IGDCC4: variants seen among roughly 807,000 people sequenced by gnomAD.
IGDCC4 encodes the protein immunoglobulin superfamily DCC subclass member 4.
A neutral mutation model predicts 116.6 loss-of-function variants in IGDCC4; 72 were observed. The observed-to-expected ratio is 0.62, with a 90% CI of 0.51 to 0.75. IGDCC4 has a LOEUF of 0.75. Ranked by LOEUF, IGDCC4 falls within the 30% of genes least tolerant of loss-of-function variation. The pLI, the probability that IGDCC4 is intolerant of heterozygous loss-of-function variation, is 0.00. For missense variants in IGDCC4, 1,501 were observed against 1,662.4 expected, an observed-to-expected ratio of 0.90 and a Z score of 1.69; for synonymous variants, 709 against 719.9, an observed-to-expected ratio of 0.98 and a Z score of 0.24.
intron 11 of IGDCC4, 33 bp downstream of exon 11, chr15:65,392,101 T>A: frequency 6.7e-7 from 1 of 1,502,606 alleles, no homozygotes; most frequent in East Asian, 2.3e-5. Context: ...TGAAGCTACA[T>A]CCCTCCCTCC....
At chr15:65,400,745 G>T in intron 5 of IGDCC4, 61 bp downstream of exon 5, 3 of 1,539,622 alleles carry the variant, frequency 1.9e-6, no homozygotes, top group South Asian at 2.5e-5. Context: ...TGACTTAGGG[G>T]CATGTGAGAT....
Position 65,394,555 on chromosome 15 carries a change from C to A in IGDCC4, c.1577-7G>T, listed in dbSNP as rs2062901828. ...TGGGGTGCTGCACTGGGGACTGAGACAGAAGAACATCAGCATGAGCTCTGC... is the reference window on the plus strand; with the variant it reads ...TGGGGTGCTGCACTGGGGACTGAGAAAGAAGAACATCAGCATGAGCTCTGC... On this transcript the variant is annotated splice_region_variant and splice_polypyrimidine_tract_variant and intron_variant, in intron 8 of 19. Coordinates refer to ENST00000352385, the MANE Select transcript of IGDCC4 (RefSeq NM_020962.3). The A allele has an allele frequency of 1.3e-6, 2 of 1,591,548 alleles. No individual in the cohort carries two copies. The highest frequency in any genetic ancestry group is 8.6e-7 in the Non-Finnish European group (1 of 1,168,640).
chr15:65,408,493 A>G (rs1314043687), intron 3 of IGDCC4, among the ~76,000 whole-genome samples: 1 of 152,154 alleles, frequency 6.6e-6, no homozygotes, highest in Non-Finnish European at 1.5e-5. Flanking sequence ...ATGCTCATTC[A>G]TGGGATGTTA....
At chr15:65,421,971 C>A (rs2063195941) in intron 1 of IGDCC4, among the ~76,000 whole-genome samples, 1 of 152,152 alleles carries the variant, frequency 6.6e-6, no homozygotes, top group African/African-American at 2.4e-5. Context: ...CACTGGGCTG[C>A]GGACTGGATG....
Position 65,421,833 on chromosome 15 carries a change from C to A in IGDCC4, c.70+960G>T, listed in dbSNP as rs529650878. 1.2e-4 allele frequency among the ~76,000 whole-genome samples: 19 copies of A among 152,168 alleles called. No individual in the cohort carries two copies. The East Asian group carries it at 2.1e-3, about 17-fold the overall frequency. ...CCATGAGCCGCCCCCAAACGCACAC[C>A]GGACAGGAAGCGACAGAGCTGTGGG... On this transcript the variant is annotated intron_variant, in intron 1 of 19. Transcript: ENST00000352385.
chr15:65,382,438 C>T lies in IGDCC4; in HGVS notation c.*1571G>A, dbSNP rs557161087. 1.3e-5 allele frequency: 2 copies of T among 149,582 alleles called. No individual in the cohort carries two copies. The highest frequency in any genetic ancestry group is 4.9e-5 in the African/African-American group (2 of 40,428). The allele number at this position is 149,582 out of a possible 1,614,324, so 9.3% of individuals were successfully genotyped here. Reference sequence around the variant, plus strand: ...AAAAAAAAAAAAAAGGAAAAATGGACTGGTTATTTCGAATTTGGCCCAGAA... The same window carrying T: ...AAAAAAAAAAAAAAGGAAAAATGGATTGGTTATTTCGAATTTGGCCCAGAA... On this transcript the variant is annotated 3_prime_UTR_variant, in exon 20 of 20. Transcript: ENST00000352385.
chr15:65,384,760 C>T lies in IGDCC4; in HGVS notation c.3342+194G>A. 1 of 687,780 alleles carries T rather than the reference C, an allele frequency of 1.5e-6. No individual in the cohort carries two copies. The highest frequency in any genetic ancestry group is 2.3e-6 in the Non-Finnish European group (1 of 429,526). The allele number at this position is 687,780 out of a possible 1,614,324, so 42.6% of individuals were successfully genotyped here. On this transcript the variant is annotated intron_variant, in intron 19 of 19. Transcript: ENST00000352385. This position sits in a 1 kb window ranked among gnomAD's most constrained non-coding sequence, Gnocchi z 4.9. ...GGTAGAGGAGGGGCTGTTTTCAACC[C>T]AGGTTGAAACAGGTTCCTGCAAACT...
chr15:65,390,816 CATAAA>C (rs1473557327), intron 12 of IGDCC4, among the ~76,000 whole-genome samples: 3 of 152,022 alleles, frequency 2.0e-5, no homozygotes, highest in East Asian at 1.9e-4. Flanking sequence ...ATTTTAGAAA[CATAAA>C]ATAAACCCCA....
At chr15:65,405,309 G>GTTTTTT (rs56300756) in intron 3 of IGDCC4, among the ~76,000 whole-genome samples, 41 of 142,490 alleles carry the variant, frequency 2.9e-4, no homozygotes, top group Middle Eastern at 3.7e-3. Context: ...TGTTAAGTGG[G>GTTTTTT]TTTTTTTTTT....
chr15:65,386,952 T>C (rs1385536765), intron 16 of IGDCC4, among the ~76,000 whole-genome samples: 1 of 152,194 alleles, frequency 6.6e-6, no homozygotes, highest in East Asian at 1.9e-4. Flanking sequence ...GTGTGCAACA[T>C]GTGCAGGTGC....
chr15:65,414,713 C>T (rs1234066540), intron 1 of IGDCC4, among the ~76,000 whole-genome samples: 1 of 152,200 alleles, frequency 6.6e-6, no homozygotes, highest in Non-Finnish European at 1.5e-5. Flanking sequence ...ATGATCTCAG[C>T]TCACTGCAAC....
chr15:65,411,432 T>A, intron 1 of IGDCC4, 62 bp from the exon 2 acceptor site: 1 of 1,393,732 alleles, frequency 7.2e-7, no homozygotes, highest in Middle Eastern at 2.7e-4. Context: ...CAGCCTCTGC[T>A]CCTGAGTCAC....
chr15:65,399,588 G>T (rs991799784), intron 5 of IGDCC4, among the ~76,000 whole-genome samples: 10 of 152,048 alleles, frequency 6.6e-5, no homozygotes, highest in African/African-American at 2.4e-4. Flanking sequence ...GAACTTCTAG[G>T]TGATACCACA....
chr15:65,382,733 T>A lies in IGDCC4; in HGVS notation c.*1276A>T, dbSNP rs1035609736. On this transcript the variant is annotated 3_prime_UTR_variant, in exon 20 of 20. Transcript: ENST00000352385. ...AGCACCCCAGAGGGTGAGATTCCTG[T>A]CATCCCCAATCCAGATCAAGTCAAG... 1 of 152,150 alleles carries A rather than the reference T, an allele frequency of 6.6e-6. No individual in the cohort carries two copies. Among genetic ancestry groups the A allele is most frequent in the Non-Finnish European group, 1.5e-5 (1 of 68,024 alleles). The allele number at this position is 152,150 out of a possible 1,614,324, so 9.4% of individuals were successfully genotyped here. A position where few individuals can be genotyped will look rare whatever the true frequency, so the allele number is the denominator to read the frequency against.
At chr15:65,410,120 C>A in intron 3 of IGDCC4, 58 bp downstream of exon 3, 1 of 1,593,810 alleles carries the variant, frequency 6.3e-7, no homozygotes, top group Non-Finnish European at 8.6e-7. Flanking sequence ...GTTCTGAGCA[C>A]ACCCCAGAGC....
intron 1 of IGDCC4, among the ~76,000 whole-genome samples, chr15:65,414,988 G>A (rs1238431566): frequency 6.6e-6 from 1 of 152,314 alleles, no homozygotes; most frequent in East Asian, 1.9e-4. Context: ...TACCATGCCC[G>A]GCGGGGAGCT....
Position 65,394,508 on chromosome 15 carries a change from G to GT in IGDCC4, c.1616dup (p.Asn539LysfsTer40), listed in dbSNP as rs1225885847. On this transcript the variant is annotated frameshift_variant, in exon 9 of 20. Transcript: ENST00000352385. LOFTEE classifies it high-confidence loss of function. The stretch of plus-strand genomic sequence containing the variant: ...GCCACGCCACCCTGATGTCCGAAGG[G>GT]TTGGGGCTGGACAGGGAGAGCTGGG... 1.2e-6 allele frequency: 2 copies of GT among 1,612,784 alleles called. No individual in the cohort carries two copies. The highest frequency in any genetic ancestry group is 2.2e-5 in the South Asian group (2 of 90,918).
At position 65,385,039 on chromosome 15, in the gene IGDCC4, CG is replaced by C; in HGVS notation, c.3256del (p.Arg1086GlyfsTer4). The C allele has an allele frequency of 6.2e-7, 1 of 1,604,136 alleles. No individual in the cohort carries two copies. Reference sequence around the variant, plus strand: ...CAGCAGGGCCCGGGTCAGAGCCGGCCGGGGGCCTGCCTGGGGCAGCTCACAG... The same window carrying C: ...CAGCAGGGCCCGGGTCAGAGCCGGCCGGGGCCTGCCTGGGGCAGCTCACAG... ...AGCELPQAGP[R>X]PALTRALLPP... On this transcript the variant is annotated frameshift_variant, in exon 19 of 20. Coordinates refer to ENST00000352385, the MANE Select transcript of IGDCC4 (RefSeq NM_020962.3). LOFTEE classifies it high-confidence loss of function.
intron 5 of IGDCC4, among the ~76,000 whole-genome samples, chr15:65,399,745 G>A (rs2062966719): frequency 6.6e-6 from 1 of 151,988 alleles, no homozygotes; most frequent in Non-Finnish European, 1.5e-5. Context: ...ATTAATAGTT[G>A]TTCAATTTAT....
Sources: gnomAD v4.1 joint callset for allele counts (sites outside exome capture counted in the v4.1 genomes callset) on GRCh38, gnomAD v4.1.1 for gene constraint, Gnocchi (gnomAD v3.1) non-coding constraint, MANE v1.5 for transcripts, NCBI Gene and HGNC (gene_info 2026-07-23, HGNC 2026-07-21) for gene names.